The following TIAM2 variants were observed in gnomAD, a reference collection of about 807,000 sequenced individuals.
TIAM2 encodes rho guanine nucleotide exchange factor TIAM2.
TIAM2 carries 80 observed loss-of-function variants against 152.9 expected under a neutral mutation model. The observed-to-expected ratio is 0.52, with a 90% CI of 0.44 to 0.63. TIAM2 has a LOEUF of 0.63. TIAM2 is among the 30% of genes least tolerant of loss of function. The probability of loss-of-function intolerance (pLI) is 0.00; values close to 1 mark genes in which losing one functional copy is unlikely to be tolerated. For missense variants in TIAM2, 1,965 were observed against 2,120.1 expected (o/e 0.93, Z 1.44); for synonymous variants, 804 against 838.0 (o/e 0.96, Z 0.70).
Position 155,129,618 on chromosome 6 carries a change from A to G in TIAM2, c.395A>G (p.Asp132Gly). Reference sequence around the variant, plus strand: ...GCAGATAACCACATCACCTCCAGAGACTGCAACGGACACCTTCTCAACTGC... The same window carrying G: ...GCAGATAACCACATCACCTCCAGAGGCTGCAACGGACACCTTCTCAACTGC... ...ELADNHITSR[D>G]CNGHLLNCYG... Residue 132 changes from aspartate (D) to glycine (G), a missense_variant, in exon 4 of 27, where the codon GAC (aspartate) becomes GGC (glycine). Transcript: ENST00000682666. The surrounding 1 kb of genome is among the most constrained non-coding windows in gnomAD (Gnocchi z 4.8). 2 of 1,614,050 alleles carry G rather than the reference A, an allele frequency of 1.2e-6. No individual in the cohort carries two copies. The highest frequency in any genetic ancestry group is 1.1e-5 in the South Asian group (1 of 91,074).
At chr6:155,006,748 G>C (rs1282388829) in intron 1 of TIAM2, among the ~76,000 whole-genome samples, 1 of 151,148 alleles carries the variant, frequency 6.6e-6, no homozygotes, top group Non-Finnish European at 1.5e-5. Context: ...GAGTGCAGTG[G>C]CGTGATCTCG....
At chr6:155,197,918 G>A (rs1372312005) in intron 14 of TIAM2, among the ~76,000 whole-genome samples, 2 of 152,162 alleles carry the variant, frequency 1.3e-5, no homozygotes, top group Non-Finnish European at 2.9e-5. Flanking sequence ...ATATCACTGA[G>A]CAAGTCAGTA....
chr6:155,198,832 G>A (rs1366112530), intron 14 of TIAM2, among the ~76,000 whole-genome samples: 4 of 152,066 alleles, frequency 2.6e-5, no homozygotes, highest in Non-Finnish European at 4.4e-5. Context: ...TTCTTGAGCC[G>A]AGGTCTCCAT....
At chr6:155,163,936 A>T (rs1780339764) in intron 7 of TIAM2, among the ~76,000 whole-genome samples, 1 of 150,880 alleles carries the variant, frequency 6.6e-6, no homozygotes, top group South Asian at 2.1e-4. Context: ...ATCCTGATGA[A>T]ATGAAGTGCT....
At chr6:155,225,241 C>T (rs1782202006) in intron 15 of TIAM2, among the ~76,000 whole-genome samples, 2 of 152,168 alleles carry the variant, frequency 1.3e-5, no homozygotes, top group Admixed American at 1.3e-4. Context: ...CAGGCATGAG[C>T]CAATGCACTC....
chr6:155,201,909 T>C (rs1361212369), intron 14 of TIAM2, among the ~76,000 whole-genome samples: 3 of 152,256 alleles, frequency 2.0e-5, no homozygotes, highest in Non-Finnish European at 4.4e-5. Flanking sequence ...TCAGGTTAAA[T>C]GGACTTGGAA....
intron 14 of TIAM2, among the ~76,000 whole-genome samples, chr6:155,194,521 A>C (rs1226510498): frequency 6.6e-6 from 1 of 152,208 alleles, no homozygotes; most frequent in African/African-American, 2.4e-5. Flanking sequence ...CATGGCAGGC[A>C]GTCCCTGCCC....
At chr6:155,225,598 C>G (rs769996654) in intron 15 of TIAM2, among the ~76,000 whole-genome samples, 10 of 152,210 alleles carry the variant, frequency 6.6e-5, no homozygotes, top group African/African-American at 2.2e-4. Flanking sequence ...GCTCTTCTCA[C>G]CACCAGGGAT....
In TIAM2 at chr6:155,248,020, A is replaced by G. The variant is rs753964163; in HGVS notation, c.3673A>G (p.Lys1225Glu). ...LERAKTDKAF[K>E]AFLDARNPTK... ...TGTAGCTAAAACTGACAAAGCCTTC[A>G]AGGCTTTTCTGGACGCCCGGAACCC... The change falls in exon 20 of 27, where the codon AAG becomes GAG. Residue 1225 changes from lysine (K) to glutamate (E), a missense_variant. By Grantham distance (56) the Lys-to-Glu change is moderately conservative (BLOSUM62 1). Transcript: ENST00000682666. 1 of 1,614,158 alleles carries G rather than the reference A, an allele frequency of 6.2e-7. No individual in the cohort carries two copies. Among genetic ancestry groups the G allele is most frequent in the South Asian group, 1.1e-5 (1 of 91,086 alleles).
rs1166744347 is a variant in TIAM2 at position 155,029,445 on chromosome 6, A to G, written c.-209+33953A>G. Among the ~76,000 whole-genome samples, 43 of 38,964 alleles carry G rather than the reference A, an allele frequency of 1.1e-3. 3 individuals carry two copies. Among genetic ancestry groups the G allele is most frequent in the African/African-American group, 4.9e-3 (42 of 8,606 alleles). The allele number at this position is 38,964 out of a possible 152,430, so 25.6% of individuals were successfully genotyped here. A position where few individuals can be genotyped will look rare whatever the true frequency, so the allele number is the denominator to read the frequency against. On this transcript the variant is annotated intron_variant, in intron 1 of 26. Transcript: ENST00000682666. ...TATATACTATAGTATATATTATACT[A>G]TAGTATATATTATATATAATATATA...
intron 1 of TIAM2, among the ~76,000 whole-genome samples, chr6:155,009,939 A>G (rs1264692510): frequency 1.4e-4 from 20 of 147,758 alleles, no homozygotes; most frequent in Non-Finnish European, 2.9e-4. Context: ...TGCAACCTCC[A>G]CCTCCTGGGT....
intron 1 of TIAM2, among the ~76,000 whole-genome samples, chr6:155,012,210 C>T (rs1265916483): frequency 1.3e-5 from 2 of 152,144 alleles, no homozygotes; most frequent in Non-Finnish European, 2.9e-5. Flanking sequence ...TGTTTTTCTC[C>T]ACCCCTTGCG....
intron 9 of TIAM2, among the ~76,000 whole-genome samples, chr6:155,175,523 A>T (rs372640596): frequency 6.6e-6 from 1 of 152,234 alleles, no homozygotes; most frequent in East Asian, 1.9e-4. Context: ...TTGCTCACAA[A>T]AACTTAAGTA....
At chr6:154,996,719 G>A (rs1221427835) in intron 1 of TIAM2, among the ~76,000 whole-genome samples, 1 of 152,172 alleles carries the variant, frequency 6.6e-6, no homozygotes, top group African/African-American at 2.4e-5. Context: ...TAGAACTTGT[G>A]TGTATACACT....
intron 14 of TIAM2, among the ~76,000 whole-genome samples, chr6:155,201,271 A>C (rs1682390548): frequency 6.6e-6 from 1 of 152,132 alleles, no homozygotes; most frequent in South Asian, 2.1e-4. Flanking sequence ...ATAGAATCTC[A>C]TGTGTACTTT....
At chr6:155,183,206 C>A (rs576319003) in intron 13 of TIAM2, 31 bp from the exon 14 acceptor site, 2 of 1,602,540 alleles carry the variant, frequency 1.2e-6, no homozygotes, top group Admixed American at 1.7e-5. Flanking sequence ...ATCCCTCTCT[C>A]TTTTTTCTGT....
chr6:155,219,646 G>A (rs927117870), intron 15 of TIAM2, among the ~76,000 whole-genome samples: 2 of 151,666 alleles, frequency 1.3e-5, no homozygotes, highest in African/African-American at 2.4e-5. Context: ...CCTATTTTCC[G>A]TGCTCCAGAG....
intron 15 of TIAM2, among the ~76,000 whole-genome samples, chr6:155,230,960 G>A (rs1036546408): frequency 7.9e-5 from 12 of 151,522 alleles, no homozygotes; most frequent in African/African-American, 2.9e-4. Context: ...CAGGTCCTGA[G>A]TAGCTGGGAT....
chr6:155,073,802 G>A (rs540984601), intron 1 of TIAM2, among the ~76,000 whole-genome samples: 1 of 152,312 alleles, frequency 6.6e-6, no homozygotes, highest in South Asian at 2.1e-4. Flanking sequence ...ACCCTTAGAA[G>A]AGGAGTTTGG....
Sources: allele counts gnomAD v4.1 joint callset (sites outside exome capture counted in the v4.1 genomes callset), GRCh38; gene constraint gnomAD v4.1.1; non-coding constraint Gnocchi (gnomAD v3.1); transcripts MANE v1.5; gene names NCBI Gene and HGNC (gene_info 2026-07-23, HGNC 2026-07-21).